The following ADAMTS16 variants were observed in gnomAD, a reference collection of about 807,000 sequenced individuals.
ADAMTS16 encodes the protein A disintegrin and metalloproteinase with thrombospondin motifs 16.
In ADAMTS16, 94 loss-of-function variants were observed where a neutral mutation model predicts 145.8. That is an observed-to-expected ratio of 0.64 (90% CI 0.55 to 0.77). The LOEUF (loss-of-function observed/expected upper bound fraction) is 0.77, where lower values mean the gene tolerates loss of function less well. Among genes scored for constraint, ADAMTS16 ranks in the 30% least tolerant of loss-of-function variants. The pLI, the probability that ADAMTS16 is intolerant of heterozygous loss-of-function variation, is 0.00. For missense variants in ADAMTS16, 1,585 were observed against 1,591.5 expected, an observed-to-expected ratio of 1.00 and a Z score of 0.07; for synonymous variants, 659 against 604.3, an observed-to-expected ratio of 1.09 and a Z score of -1.33.
chr5:5,160,132 G>C (rs1707218358), intron 3 of ADAMTS16, among the ~76,000 whole-genome samples: 1 of 152,126 alleles, frequency 6.6e-6, no homozygotes, highest in African/African-American at 2.4e-5. Flanking sequence ...AGTAAATATT[G>C]AATGTTTAAG....
intron 8 of ADAMTS16, among the ~76,000 whole-genome samples, chr5:5,194,681 G>T (rs1425635046): frequency 6.6e-6 from 1 of 152,166 alleles, no homozygotes; most frequent in African/African-American, 2.4e-5. Context: ...AAACACATTT[G>T]TTCAGTTCAT....
At chr5:5,215,521 G>T (rs1260347284) in intron 10 of ADAMTS16, among the ~76,000 whole-genome samples, 1 of 151,684 alleles carries the variant, frequency 6.6e-6, no homozygotes, top group Non-Finnish European at 1.5e-5. Flanking sequence ...AAAGTTCATT[G>T]TATCATTCTT....
Position 5,302,643 on chromosome 5 carries a change from G to A in ADAMTS16, c.2790-625G>A, listed in dbSNP as rs112955319. 7.3e-3 allele frequency among the ~76,000 whole-genome samples: 1,115 copies of A among 152,282 alleles called. 5 individuals are homozygous for A. The highest frequency in any genetic ancestry group is 0.011 in the Admixed American group (164 of 15,298). ...GTAAAGCCTAAAGACTAAAAGAGAA[G>A]ATGTGAATCTGTTGCACAATCTGGA... On this transcript the variant is annotated intron_variant, in intron 18 of 22. Coordinates refer to ENST00000274181, the MANE Select transcript of ADAMTS16 (RefSeq NM_139056.4).
chr5:5,214,154 T>C (rs1430951207), intron 10 of ADAMTS16, among the ~76,000 whole-genome samples: 2 of 152,228 alleles, frequency 1.3e-5, no homozygotes, highest in East Asian at 3.9e-4. Context: ...CTGTGTTGAC[T>C]ATTGTCAAGA....
At chr5:5,165,931 G>C (rs1734864964) in intron 3 of ADAMTS16, among the ~76,000 whole-genome samples, 1 of 152,116 alleles carries the variant, frequency 6.6e-6, no homozygotes, top group Non-Finnish European at 1.5e-5. Context: ...CCTTACTCAG[G>C]CAATAGCTAT....
chr5:5,221,771 G>C lies in ADAMTS16; in HGVS notation c.1606-1018G>C, dbSNP rs540799186. Among the ~76,000 whole-genome samples, 3 of 152,288 alleles carry C rather than the reference G, an allele frequency of 2.0e-5. No individual in the cohort carries two copies. In the South Asian group the frequency reaches 6.2e-4, roughly 32 times the overall value. On this transcript the variant is annotated intron_variant, in intron 10 of 22. Coordinates refer to ENST00000274181, the MANE Select transcript of ADAMTS16 (RefSeq NM_139056.4). ...TTCATGAGATGACTCACACAATGCA[G>C]AAAACCTTCCTTTAACATGGTGGAA... is the stretch of plus-strand genomic sequence containing the variant.
chr5:5,192,804 C>G (rs1735700432), intron 8 of ADAMTS16, among the ~76,000 whole-genome samples: 1 of 152,110 alleles, frequency 6.6e-6, no homozygotes. Flanking sequence ...GCCAATAATT[C>G]TGTGAGCTGC....
intron 3 of ADAMTS16, among the ~76,000 whole-genome samples, chr5:5,158,141 AT>A (rs1407383685): frequency 1.3e-5 from 2 of 151,962 alleles, no homozygotes; most frequent in Non-Finnish European, 2.9e-5. Flanking sequence ...ACTACACCTT[AT>A]TTTTCTCTTT....
chr5:5,146,985 T>G (rs1306997787), intron 3 of ADAMTS16, among the ~76,000 whole-genome samples: 1 of 152,116 alleles, frequency 6.6e-6, no homozygotes, highest in Non-Finnish European at 1.5e-5. Context: ...GACTGATGAA[T>G]CCAGGGGTGC....
intron 3 of ADAMTS16, among the ~76,000 whole-genome samples, chr5:5,179,401 G>T (rs1735279211): frequency 6.6e-6 from 1 of 152,046 alleles, no homozygotes; most frequent in Non-Finnish European, 1.5e-5. Flanking sequence ...ATTGGTTTAA[G>T]CCATGCATGA....
At chr5:5,212,973 G>A (rs187318268) in intron 10 of ADAMTS16, among the ~76,000 whole-genome samples, 29 of 152,196 alleles carry the variant, frequency 1.9e-4, no homozygotes. Flanking sequence ...GGTTGCTTTA[G>A]AGATTACCGC....
At chr5:5,213,308 T>C (rs537990427) in intron 10 of ADAMTS16, among the ~76,000 whole-genome samples, 1 of 152,346 alleles carries the variant, frequency 6.6e-6, no homozygotes, top group Admixed American at 6.5e-5. Flanking sequence ...AGCACGTATC[T>C]GCTAGCCACA....
chr5:5,193,160 TGTGC>T (rs34602782), intron 8 of ADAMTS16, among the ~76,000 whole-genome samples: 28,893 of 150,186 alleles, frequency 0.19, 2,855 homozygotes, highest in Middle Eastern at 0.27. Flanking sequence ...TGTGTGTGTG[TGTGC>T]GCGCGCGCAC....
rs1224988751 is a variant in ADAMTS16, at chr5:5,295,862, TG to T, written c.2790-7405del. 2.6e-5 allele frequency among the ~76,000 whole-genome samples: 4 copies of T among 152,350 alleles called. No homozygotes were observed. In the East Asian group the frequency reaches 7.7e-4, roughly 29 times the overall value. On this transcript the variant is annotated intron_variant, in intron 18 of 22. Coordinates refer to ENST00000274181, the MANE Select transcript of ADAMTS16 (RefSeq NM_139056.4). The stretch of plus-strand genomic sequence containing the variant: ...GTGGAAAACCACTTGTGTGCTTCCA[TG>T]TCAGGGTAGCAGAAGAATGTTTGTA...
intron 1 of ADAMTS16, 62 bp downstream of exon 1, chr5:5,140,601 C>T (rs1490229414): frequency 2.0e-6 from 3 of 1,517,458 alleles, no homozygotes; most frequent in African/African-American, 2.8e-5. Flanking sequence ...GAGGCGAGTC[C>T]CCCGCGGCTC....
At chr5:5,225,857 A>ACAAT (rs1736748558) in intron 11 of ADAMTS16, among the ~76,000 whole-genome samples, 2 of 110,850 alleles carry the variant, frequency 1.8e-5, no homozygotes, top group African/African-American at 5.9e-5. Context: ...ATCTGTGAAG[A>ACAAT]TAATTAATTC....
rs147650341 is a variant in ADAMTS16 at position 5,239,749 on chromosome 5, A to G, written c.2347A>G (p.Thr783Ala). Residue 783 changes from threonine to alanine, a missense_variant, in exon 16 of 23, where the codon ACC (threonine) becomes GCC (alanine). Thr to Ala is a moderately conservative substitution (Grantham distance 58). Coordinates refer to ENST00000274181, the MANE Select transcript of ADAMTS16 (RefSeq NM_139056.4). ...SIRIYEMNVS[T>A]SYISVRNALR... The stretch of plus-strand genomic sequence containing the variant: ...CCGCATCTATGAAATGAACGTCTCT[A>G]CCTCCTACATTTCTGTGCGCAATGC... The G allele has an allele frequency of 4.4e-4, 714 of 1,613,950 alleles. 5 individuals are homozygous for G. In the East Asian group the frequency reaches 0.013, roughly 30 times the overall value.
chr5:5,246,661 T>G (rs1483296880), intron 17 of ADAMTS16, among the ~76,000 whole-genome samples: 1 of 152,220 alleles, frequency 6.6e-6, no homozygotes, highest in Non-Finnish European at 1.5e-5. Flanking sequence ...AATGCCAAAG[T>G]CGGTGTTGCT....
intron 17 of ADAMTS16, among the ~76,000 whole-genome samples, chr5:5,252,486 T>C (rs1053049790): frequency 2.0e-5 from 3 of 152,046 alleles, no homozygotes; most frequent in African/African-American, 7.2e-5. Context: ...GACGCCTTAG[T>C]GCATGGGGGT....
Sources: allele counts gnomAD v4.1 joint callset (sites outside exome capture counted in the v4.1 genomes callset), GRCh38; gene constraint gnomAD v4.1.1; transcripts MANE v1.5; gene names NCBI Gene and HGNC (gene_info 2026-07-23, HGNC 2026-07-21).